The following STAU2 variants were observed in gnomAD, a reference collection of about 807,000 sequenced individuals.
The protein encoded by STAU2 is double-stranded RNA-binding protein Staufen homolog 2.
A neutral mutation model predicts 65.9 loss-of-function variants in STAU2; 20 were observed. The ratio of observed to expected loss-of-function variants is 0.30; its 90% CI spans 0.21 to 0.44. The LOEUF (loss-of-function observed/expected upper bound fraction) is 0.44. Ranked by LOEUF, STAU2 falls within the 20% of genes least tolerant of loss-of-function variation. The pLI, the probability that STAU2 is intolerant of heterozygous loss-of-function variation, is 1.00. For synonymous variants in STAU2, 232 were observed against 233.9 expected (o/e 0.99, Z 0.07); for missense variants, 558 against 683.9 (o/e 0.82, Z 2.05).
intron 4 of STAU2, among the ~76,000 whole-genome samples, chr8:73,701,460 C>G (rs1226145913): frequency 6.8e-6 from 1 of 147,840 alleles, no homozygotes; most frequent in Non-Finnish European, 1.5e-5. Flanking sequence ...ATTTAAACAA[C>G]AAACAGGTAT....
chr8:73,612,952 T>C (rs1193193484), intron 9 of STAU2, among the ~76,000 whole-genome samples: 5 of 152,218 alleles, frequency 3.3e-5, no homozygotes, highest in African/African-American at 1.2e-4. Flanking sequence ...CTGTACTAAA[T>C]GCTGATTCAT....
intron 13 of STAU2, among the ~76,000 whole-genome samples, chr8:73,454,378 C>T (rs1045012810): frequency 6.6e-6 from 1 of 152,150 alleles, no homozygotes; most frequent in Admixed American, 6.5e-5. Flanking sequence ...GCAGCTGTAA[C>T]CTAATTTTTA....
At chr8:73,659,751 G>GA (rs1197418261) in intron 6 of STAU2, among the ~76,000 whole-genome samples, 1 of 152,096 alleles carries the variant, frequency 6.6e-6, no homozygotes, top group Non-Finnish European at 1.5e-5. Flanking sequence ...AAAGAATAGA[G>GA]AATGCTATTT....
intron 6 of STAU2, among the ~76,000 whole-genome samples, chr8:73,667,633 C>G (rs533065397): frequency 1.3e-5 from 2 of 152,234 alleles, no homozygotes; most frequent in South Asian, 4.1e-4. Flanking sequence ...ATAGCACCAT[C>G]GGGGCACATC....
chr8:73,514,342 T>C (rs986599231), intron 13 of STAU2, among the ~76,000 whole-genome samples: 1 of 152,198 alleles, frequency 6.6e-6, no homozygotes, highest in Admixed American at 6.5e-5. Context: ...ATTGATCTTA[T>C]AGACACCAGC....
chr8:73,603,594 G>A (rs534273341), intron 10 of STAU2, 132 bp downstream of exon 10: 4 of 1,214,208 alleles, frequency 3.3e-6, no homozygotes, highest in South Asian at 1.7e-5. Flanking sequence ...GGTGAGCCTG[G>A]ACAGAATGAA....
In STAU2 at chr8:73,525,279, T is replaced by C. The variant is rs538662529; in HGVS notation, c.1530+26733A>G. Among the ~76,000 whole-genome samples the C allele has an allele frequency of 9.2e-5, 14 of 152,200 alleles. 1 individual carries two copies. The highest frequency in any genetic ancestry group is 2.1e-4 in the South Asian group (1 of 4,828). ...TGTCTTAATTTATCATTGAGTGCAA[T>C]TGACATTCAGTTAGATATAGTGAGA... On this transcript the variant is annotated intron_variant, in intron 13 of 14. Coordinates refer to ENST00000524300, the MANE Select transcript of STAU2 (RefSeq NM_001164380.2).
At chr8:73,506,711 T>C (rs1822088804) in intron 13 of STAU2, among the ~76,000 whole-genome samples, 1 of 152,120 alleles carries the variant, frequency 6.6e-6, no homozygotes. Context: ...GACTAACTCT[T>C]CCTTTCACAA....
intron 13 of STAU2, among the ~76,000 whole-genome samples, chr8:73,509,012 T>G (rs1000547712): frequency 1.3e-5 from 2 of 152,224 alleles, no homozygotes; most frequent in Admixed American, 6.5e-5. Flanking sequence ...CTTAGGTAGA[T>G]ACTTCGAGTG....
At chr8:73,497,057 T>C (rs1046324868) in intron 13 of STAU2, among the ~76,000 whole-genome samples, 1 of 151,804 alleles carries the variant, frequency 6.6e-6, no homozygotes, top group Non-Finnish European at 1.5e-5. Flanking sequence ...GAAAGGTTCA[T>C]TAATTCTTAT....
chr8:73,601,514 T>C (rs978851577), intron 10 of STAU2, among the ~76,000 whole-genome samples: 2 of 152,196 alleles, frequency 1.3e-5, no homozygotes, highest in African/African-American at 2.4e-5. Flanking sequence ...CAGATAAAAA[T>C]GAGCATCTCA....
intron 13 of STAU2, among the ~76,000 whole-genome samples, chr8:73,462,598 A>C (rs1325727196): frequency 1.3e-5 from 2 of 151,444 alleles, no homozygotes; most frequent in African/African-American, 2.4e-5. Flanking sequence ...GGGTCTCCCC[A>C]TGTTGCCCAG....
intron 3 of STAU2, among the ~76,000 whole-genome samples, chr8:73,725,885 A>C (rs1324056029): frequency 6.6e-6 from 1 of 152,174 alleles, no homozygotes; most frequent in Non-Finnish European, 1.5e-5. Context: ...GTGAGCCATC[A>C]TCGTGCCACT....
intron 5 of STAU2, among the ~76,000 whole-genome samples, chr8:73,682,608 T>C (rs1818511954): frequency 6.6e-6 from 1 of 150,760 alleles, no homozygotes; most frequent in Non-Finnish European, 1.5e-5. Context: ...AGAAAAGAAA[T>C]AACAAAGATG....
chr8:73,550,009 G>A (rs1400274591), intron 13 of STAU2: 16 of 985,448 alleles, frequency 1.6e-5, no homozygotes, highest in Admixed American at 6.2e-5. Context: ...CTTCTGCTGC[G>A]ACATTATGAA....
At chr8:73,605,357 G>A (rs1322420433) in intron 9 of STAU2, among the ~76,000 whole-genome samples, 1 of 140,276 alleles carries the variant, frequency 7.1e-6, no homozygotes, top group Non-Finnish European at 1.5e-5. Flanking sequence ...TGCCCAGGCT[G>A]GAGTGCAGTG....
At chr8:73,517,625 T>A (rs1170800218) in intron 13 of STAU2, among the ~76,000 whole-genome samples, 1 of 152,158 alleles carries the variant, frequency 6.6e-6, no homozygotes, top group African/African-American at 2.4e-5. Context: ...GAGGTACAGA[T>A]TAAATAACCA....
At chr8:73,700,117 A>G (rs913323402) in intron 4 of STAU2, among the ~76,000 whole-genome samples, 1 of 152,154 alleles carries the variant, frequency 6.6e-6, no homozygotes, top group Non-Finnish European at 1.5e-5. Flanking sequence ...ATAAAGTTCA[A>G]CATCACTTTG....
intron 4 of STAU2, among the ~76,000 whole-genome samples, chr8:73,706,251 G>A (rs2130629660): frequency 6.6e-6 from 1 of 152,010 alleles, no homozygotes; most frequent in South Asian, 2.1e-4. Context: ...CGAGTAGGTG[G>A]GATTATAGTC....
Sources: allele counts gnomAD v4.1 joint callset (sites outside exome capture counted in the v4.1 genomes callset), GRCh38; gene constraint gnomAD v4.1.1; transcripts MANE v1.5; gene names NCBI Gene and HGNC (gene_info 2026-07-23, HGNC 2026-07-21).